Variants in MCCC2 observed in about 807,000 individuals in gnomAD.
MCCC2 encodes the protein methylcrotonoyl-CoA carboxylase beta chain, mitochondrial.
Under a neutral mutation model 77.2 loss-of-function variants are expected in MCCC2, and 52 were observed. That is an observed-to-expected ratio of 0.67 (90% CI 0.54 to 0.85). The LOEUF is 0.85. Among genes scored for constraint, MCCC2 ranks in the 40% least tolerant of loss-of-function variants. The pLI is 0.00. For missense variants in MCCC2, 682 were observed against 703.2 expected, an observed-to-expected ratio of 0.97 and a Z score of 0.34; for synonymous variants, 253 against 248.4, an observed-to-expected ratio of 1.02 and a Z score of -0.18.
Position 71,633,126 on chromosome 5 carries a change from TA to T in MCCC2, c.803+942del, listed in dbSNP as rs59841645. ...ATATATATATATATATATATATATA[TA>T]TATATTTTTATTTTTTGTAGAAACA... On this transcript the variant is annotated intron_variant, in intron 8 of 16. Transcript: ENST00000340941. Among the ~76,000 whole-genome samples the T allele has an allele frequency of 4.5e-3, 376 of 84,086 alleles. 8 individuals carry two copies. The highest frequency in any genetic ancestry group is 9.9e-3 in the African/African-American group (232 of 23,474). 55.2% of individuals were successfully genotyped at this position (84,086 alleles called of 152,430 possible). A position where few individuals can be genotyped will look rare whatever the true frequency, so the allele number is the denominator to read the frequency against.
intron 11 of MCCC2, 152 bp from the exon 12 acceptor site, chr5:71,643,667 T>G: frequency 6.8e-7 from 1 of 1,472,996 alleles, no homozygotes; most frequent in Non-Finnish European, 9.3e-7. Context: ...ACAAGAAGAT[T>G]GTGACATGAG....
At chr5:71,609,186 C>G (rs570088204) in intron 6 of MCCC2, among the ~76,000 whole-genome samples, 1 of 150,690 alleles carries the variant, frequency 6.6e-6, no homozygotes, top group Non-Finnish European at 1.5e-5. Flanking sequence ...TCCATTCTCC[C>G]CATCACTTTC....
At position 71,587,398 on chromosome 5, in the gene MCCC2, G is replaced by A; in HGVS notation, c.-28G>A. The A allele has an allele frequency of 1.3e-6, 2 of 1,532,246 alleles. No individual in the cohort carries two copies. The highest frequency in any genetic ancestry group is 1.7e-6 in the Non-Finnish European group (2 of 1,145,402). The allele number at this position is 1,532,246 out of a possible 1,614,324, so 94.9% of individuals were successfully genotyped here. Reference sequence around the variant, plus strand: ...AAGCACCGGCTCCAGGCCAGCGTGGGCCGCTCTCTCGCTCGGTGCCCGCCG... The same window carrying A: ...AAGCACCGGCTCCAGGCCAGCGTGGACCGCTCTCTCGCTCGGTGCCCGCCG... On this transcript the variant is annotated 5_prime_UTR_variant, in exon 1 of 17. Transcript: ENST00000340941.
intron 10 of MCCC2, chr5:71,636,149 A>C (rs750128712): frequency 2.4e-5 from 10 of 412,584 alleles, no homozygotes; most frequent in Non-Finnish European, 4.4e-5. Flanking sequence ...TAATTCCTAT[A>C]ATAGTACTTG....
At chr5:71,654,290 C>A (rs7447301) in intron 16 of MCCC2, among the ~76,000 whole-genome samples, 1 of 152,060 alleles carries the variant, frequency 6.6e-6, no homozygotes, top group Non-Finnish European at 1.5e-5. Context: ...CACCTGTAAT[C>A]GTGGCTGGCC....
chr5:71,605,034 A>G (rs1467370379), intron 6 of MCCC2, among the ~76,000 whole-genome samples: 1 of 104,902 alleles, frequency 9.5e-6, no homozygotes, highest in Non-Finnish European at 2.1e-5. Context: ...TAATGCCGCA[A>G]TAAACATACG....
intron 10 of MCCC2, among the ~76,000 whole-genome samples, chr5:71,639,733 T>C (rs1747057094): frequency 6.6e-6 from 1 of 152,256 alleles, no homozygotes; most frequent in Non-Finnish European, 1.5e-5. Context: ...GCCGTATCTC[T>C]GTGTGGAAGA....
At chr5:71,613,671 A>C (rs978266501) in intron 6 of MCCC2, among the ~76,000 whole-genome samples, 5 of 152,068 alleles carry the variant, frequency 3.3e-5, no homozygotes, top group African/African-American at 1.2e-4. Context: ...AGGAGGTTGA[A>C]GCTTCAGTGA....
At chr5:71,651,670 C>G (rs902185880) in intron 15 of MCCC2, among the ~76,000 whole-genome samples, 1 of 152,116 alleles carries the variant, frequency 6.6e-6, no homozygotes, top group Non-Finnish European at 1.5e-5. Context: ...TCCAAGCACT[C>G]GGAACTCTGG....
At chr5:71,647,400 A>T (rs185264114) in intron 13 of MCCC2, among the ~76,000 whole-genome samples, 167 of 152,344 alleles carry the variant, frequency 1.1e-3, no homozygotes, top group African/African-American at 3.4e-3. Context: ...AGGGTCCTGC[A>T]TGGTAACTTA....
Position 71,657,567 on chromosome 5 carries a change from T to G in MCCC2, c.*707T>G, listed in dbSNP as rs372849817. The G allele has an allele frequency of 1.5e-4, 23 of 152,106 alleles. No individual in the cohort carries two copies. The highest frequency in any genetic ancestry group is 5.6e-4 in the African/African-American group (23 of 41,322). The allele number at this position is 152,106 out of a possible 1,614,324, so 9.4% of individuals were successfully genotyped here. On this transcript the variant is annotated 3_prime_UTR_variant, in exon 17 of 17. Transcript: ENST00000340941. The stretch of plus-strand genomic sequence containing the variant: ...TCAGCCTCCCAAGCAGCTGGGACTA[T>G]AGGCACGCACCACCACACCCAGCTA...
chr5:71,599,213 AC>A (rs1267142506), intron 3 of MCCC2, among the ~76,000 whole-genome samples: 1 of 152,110 alleles, frequency 6.6e-6, no homozygotes, highest in African/African-American at 2.4e-5. Flanking sequence ...TACTAAAAAT[AC>A]AAAAAATTAG....
chr5:71,616,654 T>C (rs1042351061), intron 6 of MCCC2, among the ~76,000 whole-genome samples: 3 of 152,166 alleles, frequency 2.0e-5, no homozygotes, highest in African/African-American at 7.2e-5. Flanking sequence ...CATCTACTGC[T>C]AGCACTACCT....
At chr5:71,605,290 G>T (rs983065078) in intron 6 of MCCC2, among the ~76,000 whole-genome samples, 193 of 151,502 alleles carry the variant, frequency 1.3e-3, no homozygotes, top group African/African-American at 4.1e-3. Flanking sequence ...GGTGTGAGAT[G>T]GTATCTCATT....
rs11309257 is a variant in MCCC2, at chr5:71,588,268, C to CA, written c.129+734dup. ...TTGGCAACAAGAGCGAACTCTGTCT[C>CA]AAAAAAAAAAAAAAAAAAAAGTTGG... is the stretch of plus-strand genomic sequence containing the variant. On this transcript the variant is annotated intron_variant, in intron 1 of 16. Transcript: ENST00000340941. Among the ~76,000 whole-genome samples, 779 of 100,520 alleles carry CA rather than the reference C, an allele frequency of 7.7e-3. 2 individuals carry two copies. The highest frequency in any genetic ancestry group is 8.7e-3 in the Non-Finnish European group (424 of 48,692). The allele number at this position is 100,520 out of a possible 152,430, so 65.9% of individuals were successfully genotyped here.
In MCCC2 at chr5:71,646,214, AC is replaced by A. The variant is rs2112463671; in HGVS notation, c.1154del (p.Thr385IlefsTer53). On this transcript the variant is annotated frameshift_variant, in exon 13 of 17. Transcript: ENST00000340941. LOFTEE classifies it high-confidence loss of function. ...VLFSESAKKG[T>X]HFVQLCCQRN... Reference sequence around the variant, plus strand: ...TTTTTATGTTATTTGCTTATAGGGTACTCACTTTGTCCAGTTATGCTGCCAA... The same window carrying A: ...TTTTTATGTTATTTGCTTATAGGGTATCACTTTGTCCAGTTATGCTGCCAA... The A allele has an allele frequency of 6.2e-7, 1 of 1,613,316 alleles. No individual in the cohort carries two copies. Among genetic ancestry groups the A allele is most frequent in the Non-Finnish European group, 8.5e-7 (1 of 1,179,446 alleles).
intron 6 of MCCC2, among the ~76,000 whole-genome samples, chr5:71,607,562 G>A (rs1220772480): frequency 6.9e-6 from 1 of 145,058 alleles, no homozygotes; most frequent in African/African-American, 2.6e-5. Context: ...AGGGTTTTTT[G>A]TGTCTCTATT....
chr5:71,624,780 C>T (rs1391597198), intron 6 of MCCC2, among the ~76,000 whole-genome samples: 4 of 150,642 alleles, frequency 2.7e-5, no homozygotes, highest in Non-Finnish European at 3.0e-5. Flanking sequence ...GGGCAACCTC[C>T]GCCTCCCAGG....
chr5:71,649,165 G>A lies in MCCC2; in HGVS notation c.1285G>A (p.Val429Met). The change falls in exon 14 of 17, where the codon GTG (valine) becomes ATG (methionine). Residue 429 changes from valine to methionine, a missense_variant. Coordinates refer to ENST00000340941, the MANE Select transcript of MCCC2 (RefSeq NM_022132.5). Reference sequence around the variant, plus strand: ...GGATGGTGCCAAGATGGTGGCCGCTGTGGCCTGTGCCCAAGTGCCTAAGAT... The same window carrying A: ...GGATGGTGCCAAGATGGTGGCCGCTATGGCCTGTGCCCAAGTGCCTAAGAT... ...AKDGAKMVAAVACAQVPKITL... is the reference protein window; with the variant it reads ...AKDGAKMVAAMACAQVPKITL... 1.2e-6 allele frequency: 2 copies of A among 1,614,222 alleles called. No homozygotes were observed. Among genetic ancestry groups the A allele is most frequent in the Non-Finnish European group, 8.5e-7 (1 of 1,180,026 alleles).
Sources: allele counts gnomAD v4.1 joint callset (sites outside exome capture counted in the v4.1 genomes callset), GRCh38; gene constraint gnomAD v4.1.1; transcripts MANE v1.5; gene names NCBI Gene and HGNC (gene_info 2026-07-23, HGNC 2026-07-21).